Variants in ABLIM2 observed in about 807,000 individuals in gnomAD.
ABLIM2 encodes the protein actin-binding LIM protein 2.
In ABLIM2, 53 loss-of-function variants were observed where a neutral mutation model predicts 97.7. The ratio of observed to expected loss-of-function variants is 0.54; its 90% CI spans 0.44 to 0.68. The LOEUF (loss-of-function observed/expected upper bound fraction) is 0.68. ABLIM2 is among the 30% of genes least tolerant of loss of function. ABLIM2 has a pLI of 0.00. For missense variants in ABLIM2, 835 were observed against 867.2 expected (o/e 0.96, Z 0.47); for synonymous variants, 361 against 345.8 (o/e 1.04, Z -0.49).
intron 12 of ABLIM2, among the ~76,000 whole-genome samples, chr4:8,026,378 C>T (rs1174343082): frequency 6.6e-6 from 1 of 152,204 alleles, no homozygotes; most frequent in Admixed American, 6.5e-5. Flanking sequence ...ATGAGGACGG[C>T]CATGTCCATC....
At chr4:8,064,443 A>C (rs1449690421) in intron 6 of ABLIM2, among the ~76,000 whole-genome samples, 1 of 152,220 alleles carries the variant, frequency 6.6e-6, no homozygotes, top group Non-Finnish European at 1.5e-5. Context: ...GCCAGCCAGC[A>C]TGCTCGGCCC....
At chr4:8,073,435 T>G (rs1015648735) in intron 6 of ABLIM2, among the ~76,000 whole-genome samples, 2 of 151,936 alleles carry the variant, frequency 1.3e-5, no homozygotes, top group Non-Finnish European at 2.9e-5. Flanking sequence ...GGCTTTGGAC[T>G]GCCAGGCAGT....
chr4:8,152,426 G>A (rs1202212952), intron 1 of ABLIM2, among the ~76,000 whole-genome samples: 1 of 152,236 alleles, frequency 6.6e-6, no homozygotes, highest in African/African-American at 2.4e-5. Flanking sequence ...GAGGACCCCG[G>A]GAGGAAACCT....
At chr4:8,137,960 C>A (rs1850419233) in intron 1 of ABLIM2, among the ~76,000 whole-genome samples, 1 of 152,222 alleles carries the variant, frequency 6.6e-6, no homozygotes, top group Non-Finnish European at 1.5e-5. Flanking sequence ...TGTGGCCCAG[C>A]CATTCAGTGG....
chr4:7,972,792 G>T (rs1300249689), intron 20 of ABLIM2, among the ~76,000 whole-genome samples: 2 of 152,148 alleles, frequency 1.3e-5, no homozygotes, highest in Non-Finnish European at 2.9e-5. Flanking sequence ...CTTGGCCAGG[G>T]AGGCTGGGAT....
intron 6 of ABLIM2, among the ~76,000 whole-genome samples, chr4:8,064,620 G>T (rs556429631): frequency 4.6e-5 from 7 of 152,160 alleles, no homozygotes; most frequent in African/African-American, 1.7e-4. Flanking sequence ...AACACACGCC[G>T]CACCCTCGTG....
At chr4:8,057,990 A>G (rs1237287471) in intron 7 of ABLIM2, among the ~76,000 whole-genome samples, 1 of 152,228 alleles carries the variant, frequency 6.6e-6, no homozygotes, top group East Asian at 1.9e-4. Flanking sequence ...AGACTGAGAA[A>G]TCCAAGTTAG....
rs181417365 is a variant in ABLIM2, at chr4:8,031,786, G to A, written c.1048-2010C>T. Among the ~76,000 whole-genome samples, 134 of 150,350 alleles carry A rather than the reference G, an allele frequency of 8.9e-4. 1 individual carries two copies. Among genetic ancestry groups the A allele is most frequent in the African/African-American group, 3.2e-3 (130 of 40,832 alleles). ...GTCACCCAGGCTGCAGTGCAGTGGC[G>A]TGACCTCAGCTCACTGCAACCTCCG... On this transcript the variant is annotated intron_variant, in intron 10 of 20. Transcript: ENST00000447017.
At chr4:8,144,480 G>C (rs555821451) in intron 1 of ABLIM2, among the ~76,000 whole-genome samples, 2 of 152,234 alleles carry the variant, frequency 1.3e-5, no homozygotes, top group East Asian at 1.9e-4. Context: ...AATGACTCCC[G>C]CGCTGAGCTG....
intron 5 of ABLIM2, among the ~76,000 whole-genome samples, chr4:8,080,159 C>T (rs935820921): frequency 7.2e-5 from 11 of 152,210 alleles, no homozygotes; most frequent in African/African-American, 2.4e-4. Context: ...TGTTTGGTGT[C>T]GATGGCAGCT....
intron 11 of ABLIM2, among the ~76,000 whole-genome samples, chr4:8,029,290 C>T (rs777764138): frequency 5.3e-5 from 8 of 152,310 alleles, no homozygotes; most frequent in Admixed American, 2.6e-4. Flanking sequence ...AGCCGGCCAA[C>T]GTCTGCTCTC....
In ABLIM2 at chr4:7,969,543, A is replaced by G. The variant is rs892176527; in HGVS notation, c.1825-2440T>C. Among the ~76,000 whole-genome samples the G allele has an allele frequency of 5.3e-5, 8 of 152,192 alleles. 1 individual carries two copies. Among genetic ancestry groups the G allele is most frequent in the Non-Finnish European group, 8.8e-5 (6 of 68,028 alleles). ...AAATGGAAGTGGAGACATCTGGTCA[A>G]CTATGAAAAGTGTAAACCATTGCCA... On this transcript the variant is annotated intron_variant, in intron 20 of 20. Coordinates refer to ENST00000447017, the MANE Select transcript of ABLIM2 (RefSeq NM_001130083.2).
chr4:8,039,768 A>G (rs1476521003), intron 9 of ABLIM2, among the ~76,000 whole-genome samples: 1 of 152,096 alleles, frequency 6.6e-6, no homozygotes, highest in African/African-American at 2.4e-5. Flanking sequence ...TATAAAAATT[A>G]CACACACACA....
chr4:8,097,405 A>C, intron 2 of ABLIM2, 123 bp from the exon 3 acceptor site: 1 of 1,236,516 alleles, frequency 8.1e-7, no homozygotes, highest in South Asian at 1.4e-5. Context: ...AGGCCTCGGC[A>C]CACACTTGGG....
At position 8,140,068 on chromosome 4, in the gene ABLIM2, C is replaced by T. The variant is rs796338527; in HGVS notation, c.10+18612G>A. Among the ~76,000 whole-genome samples, 10 of 131,794 alleles carry T rather than the reference C, an allele frequency of 7.6e-5. No homozygotes were observed. Among genetic ancestry groups the T allele is most frequent in the African/African-American group, 2.4e-4 (8 of 33,666 alleles). 86.5% of individuals were successfully genotyped at this position (131,794 alleles called of 152,430 possible). ...GCTGAACAGTGAGAACACATGGAAA[C>T]GGGGAGACGAACAACACACACTAGG... On this transcript the variant is annotated intron_variant, in intron 1 of 20. Coordinates refer to ENST00000447017, the MANE Select transcript of ABLIM2 (RefSeq NM_001130083.2). The surrounding 1 kb of genome is among the most constrained non-coding windows in gnomAD (Gnocchi z 5.9).
rs146065749 is a variant in ABLIM2 at position 8,050,093 on chromosome 4, G to A, written c.822+4095C>T. Among the ~76,000 whole-genome samples the A allele has an allele frequency of 5.3e-5, 8 of 152,198 alleles. No individual in the cohort carries two copies. The East Asian group carries it at 1.4e-3, about 26-fold the overall frequency. On this transcript the variant is annotated intron_variant, in intron 8 of 20. Transcript: ENST00000447017. Reference sequence around the variant, plus strand: ...CTGCTTTGAGTTGTCCCACTTTCTCGACCAAACCAATGTCAATCTTACATG... The same window carrying A: ...CTGCTTTGAGTTGTCCCACTTTCTCAACCAAACCAATGTCAATCTTACATG...
At chr4:8,034,809 G>A (rs1188499638) in intron 10 of ABLIM2, among the ~76,000 whole-genome samples, 1 of 77,782 alleles carries the variant, frequency 1.3e-5, no homozygotes, top group Non-Finnish European at 2.5e-5. Context: ...TGGTAGGTAG[G>A]TGGGTGCAGG....
intron 4 of ABLIM2, among the ~76,000 whole-genome samples, chr4:8,081,320 G>A (rs914781882): frequency 1.3e-5 from 2 of 152,132 alleles, no homozygotes; most frequent in Non-Finnish European, 2.9e-5. Context: ...CACCAGCCTC[G>A]TGGGACCCTG....
In ABLIM2 at chr4:7,997,872, TTTTTTTTC is replaced by T. The variant is rs544881412; in HGVS notation, c.1619-4953_1619-4946del. Among the ~76,000 whole-genome samples, 54 of 152,156 alleles carry T rather than the reference TTTTTTTTC, an allele frequency of 3.5e-4. No individual in the cohort carries two copies. In the East Asian group the frequency reaches 6.2e-3, roughly 17 times the overall value. On this transcript the variant is annotated intron_variant, in intron 16 of 20. Coordinates refer to ENST00000447017, the MANE Select transcript of ABLIM2 (RefSeq NM_001130083.2). ...CTTCTCAGTGTTAGTATCTGCTGTC[TTTTTTTTC>T]TTTTTTTCTTTTTTTTTTGAGATGG...
Sources: allele counts gnomAD v4.1 joint callset (sites outside exome capture counted in the v4.1 genomes callset), GRCh38; gene constraint gnomAD v4.1.1; non-coding constraint Gnocchi (gnomAD v3.1); transcripts MANE v1.5; gene names NCBI Gene and HGNC (gene_info 2026-07-23, HGNC 2026-07-21).